PDZD2: variants seen among roughly 807,000 people sequenced by gnomAD.
The protein encoded by PDZD2 is PDZ domain containing 2.
A neutral mutation model predicts 220.7 loss-of-function variants in PDZD2; 90 were observed. The observed-to-expected ratio is 0.41, with a 90% confidence interval of 0.34 to 0.49. The LOEUF (loss-of-function observed/expected upper bound fraction) is 0.49, where lower values mean the gene tolerates loss of function less well. PDZD2 is among the 20% of genes least tolerant of loss of function. The pLI, the probability that PDZD2 is intolerant of heterozygous loss-of-function variation, is 0.28. For synonymous variants in PDZD2, 1,375 were observed against 1,450.5 expected (o/e 0.95, Z 1.18); for missense variants, 3,174 against 3,608.5 (o/e 0.88, Z 3.08).
chr5:31,799,905 G>T (rs893119646), intron 2 of PDZD2, among the ~76,000 whole-genome samples, 181 bp downstream of exon 2: 1 of 152,136 alleles, frequency 6.6e-6, no homozygotes, highest in Non-Finnish European at 1.5e-5. Context: ...AGCACCAAAG[G>T]TTGGGTCTTG....
chr5:31,880,776 CTTTCTTTTTTT>C (rs1739791595), intron 2 of PDZD2, among the ~76,000 whole-genome samples: 5 of 70,924 alleles, frequency 7.0e-5, no homozygotes, highest in East Asian at 3.3e-4. Context: ...AGAAAGGTAG[CTTTCTTTTTTT>C]TTTCTTTTTT....
chr5:32,082,636 G>A (rs558842417), intron 19 of PDZD2, among the ~76,000 whole-genome samples: 53 of 152,262 alleles, frequency 3.5e-4, no homozygotes, highest in African/African-American at 1.2e-3. Flanking sequence ...TTACGTGTGT[G>A]TATGTGATTT....
At chr5:31,912,731 G>A (rs1278397375) in intron 2 of PDZD2, among the ~76,000 whole-genome samples, 1 of 152,210 alleles carries the variant, frequency 6.6e-6, no homozygotes, top group Non-Finnish European at 1.5e-5. Context: ...CCATGGAGGT[G>A]TCTCTCTAGC....
intron 2 of PDZD2, among the ~76,000 whole-genome samples, chr5:31,920,505 T>G (rs1313088261): frequency 2.3e-5 from 1 of 43,008 alleles, no homozygotes; most frequent in Non-Finnish European, 3.6e-5. Context: ...TGTTATATAT[T>G]TAAAAAAAAA....
At chr5:31,816,403 G>T (rs527901903) in intron 2 of PDZD2, among the ~76,000 whole-genome samples, 1 of 152,184 alleles carries the variant, frequency 6.6e-6, no homozygotes, top group South Asian at 2.1e-4. Context: ...CTCCCTGGAG[G>T]CTATTTTTGC....
At position 32,000,751 on chromosome 5, in the gene PDZD2, G is replaced by A. The variant is rs987188998; in HGVS notation, c.1254+480G>A. 6.6e-5 allele frequency among the ~76,000 whole-genome samples: 10 copies of A among 152,096 alleles called. No individual in the cohort carries two copies. Among genetic ancestry groups the A allele is most frequent in the Non-Finnish European group, 1.3e-4 (9 of 68,008 alleles). The stretch of plus-strand genomic sequence containing the variant: ...TCTCAAACTCCTGACCTCAGGTGAT[G>A]CACCTGCCTCAGCTTCCCAAAGTGC... On this transcript the variant is annotated intron_variant, in intron 5 of 24. Coordinates refer to ENST00000438447, the MANE Select transcript of PDZD2 (RefSeq NM_178140.4). The surrounding 1 kb of genome is among the most constrained non-coding windows in gnomAD (Gnocchi z 4.5).
intron 1 of PDZD2, among the ~76,000 whole-genome samples, chr5:31,789,301 G>A (rs1753566130): frequency 6.6e-6 from 1 of 152,174 alleles, no homozygotes; most frequent in Admixed American, 6.5e-5. Context: ...CTCTCTGAAG[G>A]TGCATTAAGA....
chr5:31,791,240 C>T (rs573700164), intron 1 of PDZD2, among the ~76,000 whole-genome samples: 1 of 152,214 alleles, frequency 6.6e-6, no homozygotes, highest in African/African-American at 2.4e-5. Flanking sequence ...AGTGATAGTT[C>T]TCTTTATCTC....
Position 32,090,877 on chromosome 5 carries a change from G to C in PDZD2, c.7429G>C (p.Val2477Leu), listed in dbSNP as rs370676238. ...SSVRHTQPSP[V>L]SRSKLQELRA... ...GGTACGCCACACGCAGCCCTCGCCC[G>C]TGTCCCGCTCCAAGCTCCAGGAGCT... The change falls in exon 20 of 25, where the codon GTG (valine) becomes CTG (leucine). Residue 2477 changes from valine to leucine, a missense_variant. Val to Leu is a conservative substitution (Grantham distance 32). This residue lies in a region of PDZD2 where 631 missense variants were observed against 789.9 expected (regional missense o/e 0.80). Transcript: ENST00000438447. This position sits in a 1 kb window ranked among gnomAD's most constrained non-coding sequence, Gnocchi z 4.3. 6.2e-7 allele frequency: 1 copy of C among 1,613,924 alleles called. No individual in the cohort carries two copies. The highest frequency in any genetic ancestry group is 1.3e-5 in the African/African-American group (1 of 75,010).
chr5:32,072,459 G>T, intron 17 of PDZD2, 142 bp downstream of exon 17: 1 of 672,000 alleles, frequency 1.5e-6, no homozygotes, highest in South Asian at 2.1e-5. Context: ...GGCCGGGCGC[G>T]GTGGCTCACG....
chr5:31,824,033 A>G (rs1756064837), intron 2 of PDZD2, among the ~76,000 whole-genome samples: 1 of 152,206 alleles, frequency 6.6e-6, no homozygotes, highest in Non-Finnish European at 1.5e-5. Flanking sequence ...GTTGCATCTT[A>G]CTAGTATAGG....
chr5:32,021,592 C>G (rs1754209684), intron 6 of PDZD2, among the ~76,000 whole-genome samples: 1 of 152,192 alleles, frequency 6.6e-6, no homozygotes, highest in African/African-American at 2.4e-5. Context: ...GCCACCGCAT[C>G]TGGCCTCCTG....
rs1286797003 is a variant in PDZD2, at chr5:31,968,271, TG to T, written c.477-14882del. 2.0e-5 allele frequency among the ~76,000 whole-genome samples: 3 copies of T among 152,164 alleles called. No homozygotes were observed. In the East Asian group the frequency reaches 5.8e-4, roughly 29 times the overall value. ...TACTCGGGTGGTTGAGGTAGGAGAA[TG>T]GCTTGAACCCGAGAGGCAGAGGTTG... On this transcript the variant is annotated intron_variant, in intron 2 of 24. Transcript: ENST00000438447.
intron 12 of PDZD2, among the ~76,000 whole-genome samples, chr5:32,058,554 A>G (rs920837832): frequency 2.6e-5 from 4 of 151,676 alleles, no homozygotes; most frequent in East Asian, 3.9e-4. Flanking sequence ...AGCGCCTGTA[A>G]TCCCAGCTAC....
At chr5:31,749,310 A>G (rs1750792646) in intron 1 of PDZD2, among the ~76,000 whole-genome samples, 1 of 152,122 alleles carries the variant, frequency 6.6e-6, no homozygotes, top group Admixed American at 6.5e-5. Context: ...TTGGTGAGTA[A>G]ATAAGAAAAT....
intron 2 of PDZD2, among the ~76,000 whole-genome samples, chr5:31,933,796 G>A (rs2135059): frequency 0.84 from 127,117 of 152,100 alleles, 53,231 homozygotes; most frequent in East Asian, 0.94. Flanking sequence ...GGTCCCTCCC[G>A]GGTGATGGAC....
At chr5:31,771,725 G>A (rs1024707138) in intron 1 of PDZD2, among the ~76,000 whole-genome samples, 56 of 152,328 alleles carry the variant, frequency 3.7e-4, no homozygotes, top group African/African-American at 1.3e-3. Flanking sequence ...TGCCTGGCAA[G>A]TTAAAGGACG....
Position 32,083,915 on chromosome 5 carries a change from G to T in PDZD2, c.3683-3216G>T, listed in dbSNP as rs1742206061. Among the ~76,000 whole-genome samples the T allele has an allele frequency of 6.6e-6, 1 of 152,092 alleles. No homozygotes were observed. Among genetic ancestry groups the T allele is most frequent in the Non-Finnish European group, 1.5e-5 (1 of 68,032 alleles). ...TGGTTTCGAACTCCTGACCTCAAGTGATCTGCCTGGCCTCAGCATCCCAAA... is the reference window on the plus strand; with the variant it reads ...TGGTTTCGAACTCCTGACCTCAAGTTATCTGCCTGGCCTCAGCATCCCAAA... On this transcript the variant is annotated intron_variant, in intron 19 of 24. Coordinates refer to ENST00000438447, the MANE Select transcript of PDZD2 (RefSeq NM_178140.4). This position sits in a 1 kb window ranked among gnomAD's most constrained non-coding sequence, Gnocchi z 4.1.
At chr5:31,979,398 G>GTGAAACC (rs1419811391) in intron 2 of PDZD2, among the ~76,000 whole-genome samples, 1 of 151,932 alleles carries the variant, frequency 6.6e-6, no homozygotes, top group East Asian at 1.9e-4. Flanking sequence ...GGACAACATG[G>GTGAAACC]TGAAACCCCA....
Sources: allele counts gnomAD v4.1 joint callset (sites outside exome capture counted in the v4.1 genomes callset), GRCh38; gene constraint gnomAD v4.1.1; regional missense constraint gnomAD v4.1.1; non-coding constraint Gnocchi (gnomAD v3.1); transcripts MANE v1.5; gene names NCBI Gene and HGNC (gene_info 2026-07-23, HGNC 2026-07-21).